Variants in CRACD observed in about 807,000 individuals in gnomAD.
CRACD encodes capping protein-inhibiting regulator of actin dynamics.
Under a neutral mutation model 106.8 loss-of-function variants are expected in CRACD, and 56 were observed. That is an observed-to-expected ratio of 0.52 (90% confidence interval 0.42 to 0.66). CRACD has a LOEUF of 0.66. Ranked by LOEUF, CRACD falls within the 30% of genes least tolerant of loss-of-function variation. The probability of loss-of-function intolerance (pLI) is 0.00; values close to 1 mark genes in which losing one functional copy is unlikely to be tolerated. For synonymous variants in CRACD, 754 were observed against 670.8 expected (o/e 1.12, Z -1.92); for missense variants, 1,730 against 1,623.2 (o/e 1.07, Z -1.13).
At position 56,310,662 on chromosome 4, in the gene CRACD, C is replaced by G; in HGVS notation, c.286-4C>G. On this transcript the variant is annotated splice_polypyrimidine_tract_variant and splice_region_variant and intron_variant, in intron 5 of 10. Transcript: ENST00000682029. ...TTGACTTGAATGCTCTCTTACTGTT[C>G]CAGTCCAGTGATACGCCAAGTTCTC... 1 of 1,604,526 alleles carries G rather than the reference C, an allele frequency of 6.2e-7. No individual in the cohort carries two copies.
intron 2 of CRACD, among the ~76,000 whole-genome samples, chr4:56,271,099 C>G (rs1189562061): frequency 6.8e-6 from 1 of 147,876 alleles, no homozygotes; most frequent in East Asian, 2.0e-4. Context: ...GAGTGAAACT[C>G]CATCTCAAAA....
chr4:56,227,025 A>G lies in CRACD; in HGVS notation c.-188-45296A>G, dbSNP rs7695980. On this transcript the variant is annotated intron_variant, in intron 2 of 10. Transcript: ENST00000682029. ...GAAGCCAAGCAGATACTGGCACCAT[A>G]CTTCTTACACAGCCTGCAGATCTGT... Among the ~76,000 whole-genome samples, 655 of 151,904 alleles carry G rather than the reference A, an allele frequency of 4.3e-3. 3 individuals carry two copies. The highest frequency in any genetic ancestry group is 0.015 in the African/African-American group (626 of 41,416).
At chr4:56,063,657 C>A (rs1199600461) in intron 1 of CRACD, among the ~76,000 whole-genome samples, 2 of 151,936 alleles carry the variant, frequency 1.3e-5, no homozygotes, top group Non-Finnish European at 2.9e-5. Context: ...TGGCCTTTTG[C>A]GTCTCATTTC....
intron 1 of CRACD, among the ~76,000 whole-genome samples, chr4:56,070,983 A>G (rs1161103036): frequency 6.6e-6 from 1 of 151,900 alleles, no homozygotes; most frequent in Non-Finnish European, 1.5e-5. Context: ...CCCTGATGAC[A>G]GAGGTTGTGT....
At chr4:56,176,281 G>A (rs1736580376) in intron 1 of CRACD, among the ~76,000 whole-genome samples, 1 of 152,096 alleles carries the variant, frequency 6.6e-6, no homozygotes, top group African/African-American at 2.4e-5. Context: ...GGTTCCATGC[G>A]AATTTTAGCA....
At chr4:56,321,675 CT>C (rs1260607913) in intron 8 of CRACD, among the ~76,000 whole-genome samples, 1 of 152,122 alleles carries the variant, frequency 6.6e-6, no homozygotes, top group African/African-American at 2.4e-5. Context: ...GTGATGAATT[CT>C]TTTTGATTTT....
chr4:56,147,643 T>A (rs186883498), intron 1 of CRACD, among the ~76,000 whole-genome samples: 1 of 152,354 alleles, frequency 6.6e-6, no homozygotes, highest in African/African-American at 2.4e-5. Flanking sequence ...TCATTTCTTT[T>A]GAGTGTATGT....
chr4:56,259,789 G>T (rs1398134604), intron 2 of CRACD, among the ~76,000 whole-genome samples: 1 of 152,164 alleles, frequency 6.6e-6, no homozygotes, highest in Non-Finnish European at 1.5e-5. Flanking sequence ...GGGGTTGCTG[G>T]ACTGGCTGGG....
intron 2 of CRACD, among the ~76,000 whole-genome samples, chr4:56,211,595 G>A (rs573184817): frequency 9.8e-5 from 15 of 152,350 alleles, no homozygotes; most frequent in South Asian, 2.1e-4. Context: ...AGCTCTCAGC[G>A]GAGAGGGGAT....
chr4:56,121,515 G>C (rs1734481382), intron 1 of CRACD, among the ~76,000 whole-genome samples: 1 of 152,202 alleles, frequency 6.6e-6, no homozygotes, highest in East Asian at 1.9e-4. Context: ...GTGATGGTGT[G>C]CACCTGTAAT....
chr4:56,269,588 CAG>C (rs1742229748), intron 2 of CRACD, among the ~76,000 whole-genome samples: 1 of 127,536 alleles, frequency 7.8e-6, no homozygotes, highest in Non-Finnish European at 1.6e-5. Context: ...TTTTTTGAGA[CAG>C]AGTCTCCCTC....
At chr4:56,317,565 A>T (rs1332236367) in intron 8 of CRACD, among the ~76,000 whole-genome samples, 1 of 152,194 alleles carries the variant, frequency 6.6e-6, no homozygotes, top group Non-Finnish European at 1.5e-5. Flanking sequence ...CCTCGCAGTG[A>T]TGATAAAACT....
At chr4:56,095,276 C>T (rs974651310) in intron 1 of CRACD, among the ~76,000 whole-genome samples, 1 of 152,094 alleles carries the variant, frequency 6.6e-6, no homozygotes, top group East Asian at 1.9e-4. Context: ...TGCTTGAGCC[C>T]GGGTGGTTGG....
At chr4:56,078,842 T>A (rs919760587) in intron 1 of CRACD, among the ~76,000 whole-genome samples, 3 of 152,160 alleles carry the variant, frequency 2.0e-5, no homozygotes, top group Non-Finnish European at 2.9e-5. Flanking sequence ...ATAAAGGGTG[T>A]CTCTTAGCCT....
Position 56,323,449 on chromosome 4 carries a change from C to T in CRACD, c.3260C>T (p.Pro1087Leu), listed in dbSNP as rs750827827. ...KLTEKVETAQ[P>L]LWITLALQKQ... ...ACAGAGAAAGTGGAAACTGCTCAGC[C>T]GCTGTGGATAACGTTAGCACTGCAA... Residue 1087 changes from proline (P) to leucine (L), a missense_variant, in exon 9 of 11, where the codon CCG (proline) becomes CTG (leucine). Physicochemically the swap from Pro to Leu is moderately conservative, Grantham distance 98 (BLOSUM62 -3). This residue lies in a region of CRACD where 1,620 missense variants were observed against 1,481.6 expected (regional missense o/e 1.09). Transcript: ENST00000682029. The T allele has an allele frequency of 9.3e-6, 15 of 1,611,762 alleles. No individual in the cohort carries two copies. Among genetic ancestry groups the T allele is most frequent in the African/African-American group, 1.3e-5 (1 of 74,698 alleles).
At chr4:56,300,065 G>C (rs1056338126) in intron 4 of CRACD, among the ~76,000 whole-genome samples, 6 of 152,106 alleles carry the variant, frequency 3.9e-5, no homozygotes, top group African/African-American at 1.2e-4. Flanking sequence ...TTGAACCCGG[G>C]AGGTGGAGGT....
At chr4:56,217,488 G>T (rs1738770300) in intron 2 of CRACD, among the ~76,000 whole-genome samples, 1 of 152,120 alleles carries the variant, frequency 6.6e-6, no homozygotes, top group Non-Finnish European at 1.5e-5. Flanking sequence ...TTTCTGGTTG[G>T]CATTTGGTTG....
At chr4:56,168,400 C>T (rs1045751857) in intron 1 of CRACD, among the ~76,000 whole-genome samples, 2 of 151,976 alleles carry the variant, frequency 1.3e-5, no homozygotes, top group Non-Finnish European at 1.5e-5. Context: ...ATCACTTGGA[C>T]ATAATATATT....
At chr4:56,295,658 AACATATATATAT>A (rs1743967898) in intron 3 of CRACD, among the ~76,000 whole-genome samples, 1 of 109,780 alleles carries the variant, frequency 9.1e-6, no homozygotes, top group Non-Finnish European at 1.8e-5. Flanking sequence ...GAAATTAGTA[AACATATATATAT>A]ATATATATAT....
Sources: allele counts gnomAD v4.1 joint callset (sites outside exome capture counted in the v4.1 genomes callset), GRCh38; gene constraint gnomAD v4.1.1; regional missense constraint gnomAD v4.1.1; transcripts MANE v1.5; gene names NCBI Gene and HGNC (gene_info 2026-07-23, HGNC 2026-07-21).